ROBO2: variants seen among roughly 807,000 people sequenced by gnomAD.
The protein encoded by ROBO2 is roundabout homolog 2.
ROBO2 carries 53 observed loss-of-function variants against 160.8 expected under a neutral mutation model. The ratio of observed to expected loss-of-function variants is 0.33; its 90% CI spans 0.26 to 0.41. The LOEUF (loss-of-function observed/expected upper bound fraction) is 0.41. Ranked by LOEUF, ROBO2 falls within the 10% of genes least tolerant of loss-of-function variation. The pLI, the probability that ROBO2 is intolerant of heterozygous loss-of-function variation, is 1.00. For synonymous variants in ROBO2, 664 were observed against 611.7 expected (o/e 1.09, Z -1.26); for missense variants, 1,577 against 1,722.4 (o/e 0.92, Z 1.49).
chr3:76,159,832 T>A (rs1263845325), intron 2 of ROBO2, among the ~76,000 whole-genome samples: 1 of 152,154 alleles, frequency 6.6e-6, no homozygotes, highest in African/African-American at 2.4e-5. Flanking sequence ...TTTTTTAGAT[T>A]GTTAACTAAA....
At chr3:77,003,342 C>T (rs2061422366) in intron 2 of ROBO2, among the ~76,000 whole-genome samples, 1 of 152,156 alleles carries the variant, frequency 6.6e-6, no homozygotes, top group Admixed American at 6.5e-5. Flanking sequence ...CAGAGGAATA[C>T]TTTAGTGATA....
At chr3:76,745,236 A>G (rs1033490917) in intron 2 of ROBO2, among the ~76,000 whole-genome samples, 14 of 152,166 alleles carry the variant, frequency 9.2e-5, no homozygotes, top group Non-Finnish European at 2.1e-4. Context: ...CAACGTAGAT[A>G]TTAAAAAAGT....
intron 2 of ROBO2, among the ~76,000 whole-genome samples, chr3:77,250,760 A>G (rs752014521): frequency 6.6e-6 from 1 of 152,112 alleles, no homozygotes. Context: ...GGGAGGGCAA[A>G]CAAGCTCACA....
chr3:77,372,260 A>G (rs2071875033), intron 2 of ROBO2, among the ~76,000 whole-genome samples: 1 of 152,156 alleles, frequency 6.6e-6, no homozygotes, highest in South Asian at 2.1e-4. Context: ...GTTTAGGCAT[A>G]GTCAATTCTT....
chr3:76,495,120 T>C (rs1261142863), intron 2 of ROBO2, among the ~76,000 whole-genome samples: 1 of 152,044 alleles, frequency 6.6e-6, no homozygotes, highest in Admixed American at 6.6e-5. Context: ...CATTTGTAAA[T>C]AGATGAAGAC....
rs375984874 is a variant in ROBO2 at position 76,860,815 on chromosome 3, T to G, written c.110-237199T>G. On this transcript the variant is annotated intron_variant, in intron 2 of 26. Coordinates refer to the ROBO2 transcript ENST00000487694. ...ATGCTTCTTGTAATCTCTTGCCTTT[T>G]CTTCACAGATAAACAAGACGCCTTT... 3.3e-5 allele frequency among the ~76,000 whole-genome samples: 5 copies of G among 152,336 alleles called. No individual in the cohort carries two copies. The East Asian group carries it at 5.8e-4, about 18-fold the overall frequency.
chr3:76,383,972 G>A (rs1322241354), intron 2 of ROBO2, among the ~76,000 whole-genome samples: 8 of 152,200 alleles, frequency 5.3e-5, no homozygotes, highest in Non-Finnish European at 1.2e-4. Flanking sequence ...CAGCGGAACT[G>A]GCAGATGTCA....
At chr3:77,546,228 T>TAG (rs368985332) in intron 6 of ROBO2, 110 bp from the exon 8 acceptor site, 2 of 1,142,082 alleles carry the variant, frequency 1.8e-6, no homozygotes, top group African/African-American at 3.1e-5. Context: ...TAAAAAACTG[T>TAG]AGTCTCTCTC....
intron 2 of ROBO2, among the ~76,000 whole-genome samples, chr3:76,984,298 T>A (rs889475124): frequency 3.3e-5 from 5 of 152,210 alleles, no homozygotes; most frequent in Non-Finnish European, 5.9e-5. Context: ...GTCTCTCTAT[T>A]CACTAAATTT....
In ROBO2 at chr3:76,727,383, C is replaced by G. The variant is rs150397314; in HGVS notation, c.110-370631C>G. 4.1e-3 allele frequency among the ~76,000 whole-genome samples: 629 copies of G among 152,208 alleles called. 7 individuals are homozygous for G. Among genetic ancestry groups the G allele is most frequent in the Middle Eastern group, 0.017 (5 of 294 alleles). On this transcript the variant is annotated intron_variant, in intron 2 of 26. Transcript: ENST00000487694. ...AAAAGCCCTGATTCCTGATTTGTAG[C>G]CCTACTTGCTGCCCTAAATTCATTT...
At chr3:77,465,212 T>A (rs2082648329) in intron 2 of ROBO2, among the ~76,000 whole-genome samples, 2 of 152,182 alleles carry the variant, frequency 1.3e-5, no homozygotes, top group East Asian at 3.9e-4. Flanking sequence ...TGAATTTTAG[T>A]AATATGGCAT....
At chr3:75,931,955 A>G (rs1947562400) in intron 1 of ROBO2, among the ~76,000 whole-genome samples, 1 of 152,068 alleles carries the variant, frequency 6.6e-6, no homozygotes, top group South Asian at 2.1e-4. Flanking sequence ...TTAAATATAG[A>G]CCACTAGGTC....
intron 2 of ROBO2, among the ~76,000 whole-genome samples, chr3:77,164,760 G>GA (rs2078867968): frequency 1.5e-4 from 6 of 41,028 alleles, no homozygotes; most frequent in Non-Finnish European, 9.1e-5. Context: ...GGAGGGAAGT[G>GA]GGGGGGTCAG....
chr3:77,622,627 T>G (rs2094925917), intron 23 of ROBO2, among the ~76,000 whole-genome samples, 195 bp downstream of exon 24: 1 of 152,154 alleles, frequency 6.6e-6, no homozygotes, highest in African/African-American at 2.4e-5. Context: ...GATAAGAAAA[T>G]TCATGAATTT....
chr3:76,851,551 A>C (rs1037374324), intron 2 of ROBO2, among the ~76,000 whole-genome samples: 10 of 151,090 alleles, frequency 6.6e-5, no homozygotes, highest in East Asian at 2.0e-4. Context: ...CTGGCTAACA[A>C]GGTGAAACCC....
At chr3:76,414,934 G>T (rs2075691582) in intron 2 of ROBO2, among the ~76,000 whole-genome samples, 1 of 152,092 alleles carries the variant, frequency 6.6e-6, no homozygotes, top group Non-Finnish European at 1.5e-5. Flanking sequence ...GGTAGAGAAT[G>T]CTTCTTATCA....
intron 2 of ROBO2, among the ~76,000 whole-genome samples, chr3:77,292,810 C>T (rs2061476059): frequency 7.0e-6 from 1 of 142,772 alleles, no homozygotes; most frequent in African/African-American, 2.5e-5. Context: ...GCTAGATCAC[C>T]CCAGATATAA....
At chr3:77,421,980 A>G (rs1010719103) in intron 2 of ROBO2, among the ~76,000 whole-genome samples, 33 of 152,190 alleles carry the variant, frequency 2.2e-4, no homozygotes, top group African/African-American at 7.5e-4. Context: ...ATTCAAATGA[A>G]TTAGAAATAA....
chr3:76,596,120 G>GT (rs1458026897), intron 2 of ROBO2, among the ~76,000 whole-genome samples: 1 of 152,074 alleles, frequency 6.6e-6, no homozygotes, highest in Non-Finnish European at 1.5e-5. Context: ...AAGCCCTGTT[G>GT]TAAGTAGTGT....
Sources: gnomAD v4.1 joint callset for allele counts (sites outside exome capture counted in the v4.1 genomes callset) on GRCh38, gnomAD v4.1.1 for gene constraint, MANE v1.5 for transcripts, NCBI Gene and HGNC (gene_info 2026-07-23, HGNC 2026-07-21) for gene names.